Variants in ZNF429 observed in about 807,000 individuals in gnomAD.
ZNF429 encodes zinc finger protein 429.
A neutral mutation model predicts 56.8 loss-of-function variants in ZNF429; 53 were observed. The observed-to-expected ratio is 0.93, with a 90% CI of 0.75 to 1.17. The LOEUF is 1.17. ZNF429 is among the 50% of genes most tolerant of loss of function. The pLI, the probability that ZNF429 is intolerant of heterozygous loss-of-function variation, is 0.00. For missense variants in ZNF429, 849 were observed against 788.4 expected, an observed-to-expected ratio of 1.08 and a Z score of -0.92; for synonymous variants, 278 against 264.7, an observed-to-expected ratio of 1.05 and a Z score of -0.49.
intron 3 of ZNF429, among the ~76,000 whole-genome samples, chr19:21,535,736 G>A: frequency 2.6e-4 from 39 of 151,498 alleles, no homozygotes; most frequent in Admixed American, 3.9e-4. Context: ...GGCTGGTTTC[G>A]AACTCCTGAC....
At chr19:21,508,699 CT>C (rs34788876) in intron 1 of ZNF429, among the ~76,000 whole-genome samples, 114,157 of 143,898 alleles carry the variant, frequency 0.79, 45,475 homozygotes, top group African/African-American at 0.93. Flanking sequence ...TTTTCTCAGG[CT>C]TTTTTTTTTT....
At chr19:21,512,369 G>A (rs2681390) in intron 1 of ZNF429, among the ~76,000 whole-genome samples, 28,282 of 151,770 alleles carry the variant, frequency 0.19, 2,676 homozygotes, top group Middle Eastern at 0.22. Flanking sequence ...CTTATTATGC[G>A]ACTTAGAATG....
intron 3 of ZNF429, among the ~76,000 whole-genome samples, chr19:21,535,337 TTCTTTCCTTTCCTTTCTTTTC>T: frequency 5.2e-5 from 7 of 135,660 alleles, no homozygotes; most frequent in South Asian, 2.4e-4. Context: ...CTCTTTTCTT[TTCTTTCCTTTCCTTTCTTTTC>T]TTCTTTCTTT....
chr19:21,538,067 C>T lies in ZNF429; in HGVS notation c.2014C>T (p.Arg672Cys), dbSNP rs767695758. The change falls in exon 4 of 4, where the codon CGT becomes TGT. Residue 672 changes from arginine to cysteine, a missense_variant. By Grantham distance (180) the Arg-to-Cys change is radical. Transcript: ENST00000358491. Reference sequence around the variant, plus strand: ...GATCACGAGGTCAGGAGATCGAGACCGTCCTGGCTAACATGGTGAAACCCC... The same window carrying T: ...GATCACGAGGTCAGGAGATCGAGACTGTCCTGGCTAACATGGTGAAACCCC... ...GRITRSGDRD[R>C]PG 14 of 1,299,712 alleles carry T rather than the reference C, an allele frequency of 1.1e-5. No homozygotes were observed. The highest frequency in any genetic ancestry group is 5.8e-5 in the Admixed American group (3 of 51,992). 80.5% of individuals were successfully genotyped at this position (1,299,712 alleles called of 1,614,324 possible). A position where few individuals can be genotyped will look rare whatever the true frequency, so the allele number is the denominator to read the frequency against.
chr19:21,536,502 A>G lies in ZNF429; in HGVS notation c.449A>G (p.Tyr150Cys). 6.2e-7 allele frequency: 1 copy of G among 1,612,928 alleles called. No homozygotes were observed. The highest frequency in any genetic ancestry group is 8.5e-7 in the Non-Finnish European group (1 of 1,179,516). ...TQSKMYHCDI[Y>C]VKVFYAFSNA... Reference sequence around the variant, plus strand: ...AGCAAAATGTATCACTGTGATATATATGTAAAAGTCTTTTATGCATTTTCA... The same window carrying G: ...AGCAAAATGTATCACTGTGATATATGTGTAAAAGTCTTTTATGCATTTTCA... The change falls in exon 4 of 4, where the codon TAT becomes TGT. Residue 150 changes from tyrosine to cysteine, a missense_variant. Physicochemically the swap from Tyr to Cys is radical, Grantham distance 194 (BLOSUM62 -2). Transcript: ENST00000358491.
rs2033676745 is a variant in ZNF429, at chr19:21,536,457, A to G, written c.404A>G (p.Gln135Arg). 2 of 1,613,530 alleles carry G rather than the reference A, an allele frequency of 1.2e-6. No individual in the cohort carries two copies. Among genetic ancestry groups the G allele is most frequent in the South Asian group, 1.1e-5 (1 of 91,046 alleles). ...AAAGGAGGTTATAATGGACTTAACC[A>G]ATGTTTGACACTTACCCAGAGCAAA... ...LYKGGYNGLNQCLTLTQSKMY... is the reference protein window; with the variant it reads ...LYKGGYNGLNRCLTLTQSKMY... Residue 135 changes from glutamine (Q) to arginine (R), a missense_variant, in exon 4 of 4, where the codon CAA (glutamine) becomes CGA (arginine). Transcript: ENST00000358491.
At chr19:21,535,107 G>A in intron 3 of ZNF429, among the ~76,000 whole-genome samples, 17 of 150,548 alleles carry the variant, frequency 1.1e-4, no homozygotes, top group East Asian at 1.9e-4. Flanking sequence ...GATTACAGGC[G>A]TGAGCCACCG....
chr19:21,529,998 T>C, intron 2 of ZNF429, among the ~76,000 whole-genome samples: 1 of 152,088 alleles, frequency 6.6e-6, no homozygotes. Context: ...GAGACCATCC[T>C]GGCTAACACG....
intron 1 of ZNF429, among the ~76,000 whole-genome samples, chr19:21,507,260 A>G (rs1276559244): frequency 6.6e-6 from 1 of 152,164 alleles, no homozygotes; most frequent in Admixed American, 6.5e-5. Flanking sequence ...GCAGTAAAAT[A>G]CAAAATTTCC....
chr19:21,535,681 AT>A, intron 3 of ZNF429, among the ~76,000 whole-genome samples: 17 of 151,014 alleles, frequency 1.1e-4, no homozygotes, highest in East Asian at 3.9e-4. Flanking sequence ...CGCCCAGCTA[AT>A]TTTTTGTATT....
At chr19:21,534,296 T>TAATTATTTGTAGGGACAGGATTTCACTA in intron 3 of ZNF429, among the ~76,000 whole-genome samples, 9 of 146,080 alleles carry the variant, frequency 6.2e-5, no homozygotes, top group South Asian at 2.2e-4. Context: ...TTTTTGGATT[T>TAATTATTTGTAGGGACAGGATTTCACTA]TCCAGTTTTA....
rs187616813 is a variant in ZNF429 at position 21,538,636 on chromosome 19, A to G, written c.*558A>G. The G allele has an allele frequency of 1.3e-5, 2 of 152,288 alleles. No individual in the cohort carries two copies. The highest frequency in any genetic ancestry group is 2.9e-5 in the Non-Finnish European group (2 of 68,096). The allele number at this position is 152,288 out of a possible 1,614,324, so 9.4% of individuals were successfully genotyped here. On this transcript the variant is annotated 3_prime_UTR_variant, in exon 4 of 4. Transcript: ENST00000358491. ...AATAAATAAAAGAAAGAAAATTCAT[A>G]GTAGAGAGAAACCTTACAAATGTGT... is the stretch of plus-strand genomic sequence containing the variant.
intron 3 of ZNF429, 21 bp from the exon 4 acceptor site, chr19:21,536,259 G>A: frequency 1.3e-6 from 2 of 1,538,318 alleles, no homozygotes; most frequent in Middle Eastern, 1.8e-4. Flanking sequence ...GAAGTAATTT[G>A]TTGTTTTAAT....
In ZNF429 at chr19:21,523,204, G is replaced by T. The variant is rs1030142854; in HGVS notation, c.4-6454G>T. On this transcript the variant is annotated intron_variant, in intron 1 of 3. Transcript: ENST00000358491. Reference sequence around the variant, plus strand: ...GCTCACAAATGTTCAGGTAACATCTGCTACTGCTACTCCACCTATTCAGGA... The same window carrying T: ...GCTCACAAATGTTCAGGTAACATCTTCTACTGCTACTCCACCTATTCAGGA... Among the ~76,000 whole-genome samples, 52 of 152,140 alleles carry T rather than the reference G, an allele frequency of 3.4e-4. 2 individuals are homozygous for T. Among genetic ancestry groups the T allele is most frequent in the Non-Finnish European group, 1.0e-4 (7 of 68,024 alleles).
intron 1 of ZNF429, among the ~76,000 whole-genome samples, chr19:21,526,735 G>A (rs961325325): frequency 2.6e-5 from 4 of 152,014 alleles, no homozygotes. Context: ...AATTTTTTTT[G>A]TAAATAAATA....
chr19:21,514,992 G>A (rs190190618), intron 1 of ZNF429, among the ~76,000 whole-genome samples: 51 of 150,956 alleles, frequency 3.4e-4, no homozygotes, highest in African/African-American at 1.2e-3. Flanking sequence ...CCAGGCTGGA[G>A]TGCAGTGGCG....
rs761415429 is a variant in ZNF429 at position 21,536,782 on chromosome 19, C to G, written c.729C>G (p.Thr243=). Residue 243 remains threonine, a synonymous_variant, in exon 4 of 4, where the codon ACC becomes ACG. Coordinates refer to ENST00000358491, the MANE Select transcript of ZNF429 (RefSeq NM_001001415.4). ...GCAAAGCATTTAACCACTACTCAAC[C>G]CTTACTAACCATAAGAGAATTCATA... The part of the protein sequence containing the change: ...ECGKAFNHYS[T]LTNHKRIHTG... 1 of 1,613,208 alleles carries G rather than the reference C, an allele frequency of 6.2e-7. No homozygotes were observed. The highest frequency in any genetic ancestry group is 1.1e-5 in the South Asian group (1 of 91,014).
At chr19:21,508,727 C>A in intron 1 of ZNF429, among the ~76,000 whole-genome samples, 1 of 145,974 alleles carries the variant, frequency 6.9e-6, no homozygotes. Flanking sequence ...TGGGTGATTT[C>A]AAACAGAATT....
At chr19:21,532,122 AATT>A in intron 3 of ZNF429, among the ~76,000 whole-genome samples, 1 of 152,290 alleles carries the variant, frequency 6.6e-6, no homozygotes, top group Non-Finnish European at 1.5e-5. Flanking sequence ...CAATGAAAGA[AATT>A]TAAAAAGACG....
Sources: allele counts gnomAD v4.1 joint callset (sites outside exome capture counted in the v4.1 genomes callset), GRCh38; gene constraint gnomAD v4.1.1; transcripts MANE v1.5; gene names NCBI Gene and HGNC (gene_info 2026-07-23, HGNC 2026-07-21).